Variants in ZBTB20 observed in about 807,000 individuals in gnomAD.
ZBTB20 encodes the protein zinc finger and BTB domain-containing protein 20.
A neutral mutation model predicts 56.9 loss-of-function variants in ZBTB20; 9 were observed. The ratio of observed to expected loss-of-function variants is 0.16; its 90% CI spans 0.10 to 0.28. The LOEUF is 0.28. ZBTB20 is among the 10% of genes least tolerant of loss of function. The pLI is 1.00. For synonymous variants in ZBTB20, 417 were observed against 420.7 expected, an observed-to-expected ratio of 0.99 and a Z score of 0.11; for missense variants, 655 against 1,003.0, an observed-to-expected ratio of 0.65 and a Z score of 4.69.
rs2067206166 is a variant in ZBTB20 at position 114,748,125 on chromosome 3, A to G, written c.-343+52976T>C. Reference sequence around the variant, plus strand: ...GTGAGAAAAGGAAATTGAACATTCAATGTGACCAGAGGAAGGGTGAACATG... The same window carrying G: ...GTGAGAAAAGGAAATTGAACATTCAGTGTGACCAGAGGAAGGGTGAACATG... On this transcript the variant is annotated intron_variant, in intron 5 of 11. Transcript: ENST00000675478. Among the ~76,000 whole-genome samples the G allele has an allele frequency of 2.0e-5, 3 of 152,254 alleles. No homozygotes were observed. The South Asian group carries it at 6.2e-4, about 32-fold the overall frequency.
chr3:115,115,370 T>G (rs2083989913), intron 1 of ZBTB20, among the ~76,000 whole-genome samples: 1 of 152,114 alleles, frequency 6.6e-6, no homozygotes, highest in African/African-American at 2.4e-5. Flanking sequence ...TGTAGGGCAG[T>G]ATTTTGCTGT....
intron 4 of ZBTB20, among the ~76,000 whole-genome samples, chr3:114,830,064 T>G (rs1157060636): frequency 2.0e-5 from 3 of 151,924 alleles, no homozygotes; most frequent in Non-Finnish European, 4.4e-5. Context: ...GTACAATTAA[T>G]GTTCTCACTG....
chr3:114,362,790 G>T (rs571980315), intron 10 of ZBTB20, among the ~76,000 whole-genome samples: 2 of 152,292 alleles, frequency 1.3e-5, no homozygotes, highest in South Asian at 2.1e-4. Context: ...AAAATAAGAA[G>T]AGATGACCAA....
At chr3:114,814,754 A>G (rs2072798206) in intron 4 of ZBTB20, among the ~76,000 whole-genome samples, 3 of 152,246 alleles carry the variant, frequency 2.0e-5, no homozygotes, top group Admixed American at 1.3e-4. Context: ...CATATAACAT[A>G]GAGCAGACAC....
intron 7 of ZBTB20, among the ~76,000 whole-genome samples, chr3:114,453,309 G>A (rs904106772): frequency 6.6e-6 from 1 of 152,066 alleles, no homozygotes; most frequent in Admixed American, 6.5e-5. Context: ...TCTCTCTGGG[G>A]GTTTTGTCAT....
At chr3:114,442,836 A>G (rs889744750) in intron 7 of ZBTB20, among the ~76,000 whole-genome samples, 7 of 152,178 alleles carry the variant, frequency 4.6e-5, no homozygotes, top group African/African-American at 1.7e-4. Flanking sequence ...TTAATGTTAT[A>G]TCTCTACCCT....
intron 2 of ZBTB20, among the ~76,000 whole-genome samples, chr3:115,065,774 T>C (rs2082185701): frequency 6.6e-6 from 1 of 152,124 alleles, no homozygotes; most frequent in African/African-American, 2.4e-5. Context: ...GGTTAAGTGG[T>C]TTGTGCAAGG....
At chr3:114,991,052 A>C (rs1366317652) in intron 2 of ZBTB20, among the ~76,000 whole-genome samples, 1 of 152,076 alleles carries the variant, frequency 6.6e-6, no homozygotes, top group African/African-American at 2.4e-5. Context: ...TTTTCAAAAA[A>C]CCAGCTCCTG....
chr3:114,636,914 C>T lies in ZBTB20; in HGVS notation c.-295+56614G>A, dbSNP rs540093903. 3.1e-4 allele frequency among the ~76,000 whole-genome samples: 11 copies of T among 35,542 alleles called. No homozygotes were observed. In the East Asian group the frequency reaches 8.5e-3, roughly 28 times the overall value. 23.3% of individuals were successfully genotyped at this position (35,542 alleles called of 152,430 possible). A position where few individuals can be genotyped will look rare whatever the true frequency, so the allele number is the denominator to read the frequency against. ...TATCCATATGCTGTTAAAACAGCAA[C>T]AACAACAACAACAAAAAACAACAAC... On this transcript the variant is annotated intron_variant, in intron 6 of 11. Coordinates refer to ENST00000675478, the MANE Select transcript of ZBTB20 (RefSeq NM_001348800.3).
chr3:114,728,998 G>C (rs1360941674), intron 5 of ZBTB20, among the ~76,000 whole-genome samples: 1 of 152,180 alleles, frequency 6.6e-6, no homozygotes, highest in South Asian at 2.1e-4. Flanking sequence ...GTTGATAGGT[G>C]CAGCAAACCA....
At chr3:114,927,993 A>C (rs1474584604) in intron 3 of ZBTB20, among the ~76,000 whole-genome samples, 5 of 152,214 alleles carry the variant, frequency 3.3e-5, no homozygotes, top group Non-Finnish European at 7.3e-5. Flanking sequence ...AAACACCCTC[A>C]ATTAACTCTC....
At chr3:115,111,463 T>A (rs2083881465) in intron 1 of ZBTB20, among the ~76,000 whole-genome samples, 1 of 152,192 alleles carries the variant, frequency 6.6e-6, no homozygotes, top group Non-Finnish European at 1.5e-5. Flanking sequence ...TAAGCTAATA[T>A]CTTAATAAAA....
chr3:114,651,839 C>G (rs1477597875), intron 6 of ZBTB20, among the ~76,000 whole-genome samples: 5 of 152,040 alleles, frequency 3.3e-5, no homozygotes, highest in African/African-American at 1.2e-4. Context: ...CTTGAACATT[C>G]TCCAGATTTC....
intron 5 of ZBTB20, among the ~76,000 whole-genome samples, chr3:114,791,469 C>T (rs1036332125): frequency 2.0e-5 from 3 of 152,132 alleles, no homozygotes; most frequent in Non-Finnish European, 4.4e-5. Context: ...AGGCCCCTCA[C>T]ACTTTCCAGT....
chr3:114,912,382 G>T (rs563264685), intron 3 of ZBTB20, among the ~76,000 whole-genome samples: 2 of 151,460 alleles, frequency 1.3e-5, no homozygotes, highest in South Asian at 4.2e-4. Context: ...CTCTAATACT[G>T]AAATGGTAAT....
intron 6 of ZBTB20, among the ~76,000 whole-genome samples, chr3:114,606,389 A>G (rs2107659524): frequency 6.6e-6 from 1 of 152,292 alleles, no homozygotes; most frequent in East Asian, 1.9e-4. Context: ...GGGCAGGAGG[A>G]AGCAGTTGGG....
intron 7 of ZBTB20, among the ~76,000 whole-genome samples, chr3:114,449,492 T>C (rs2109016872): frequency 6.6e-6 from 1 of 152,156 alleles, no homozygotes; most frequent in South Asian, 2.1e-4. Context: ...GTTAAAGCAT[T>C]CTGAAAAACG....
rs371001103 is a variant in ZBTB20 at position 114,602,621 on chromosome 3, C to T, written c.-295+90907G>A. On this transcript the variant is annotated intron_variant, in intron 6 of 11. Coordinates refer to ENST00000675478, the MANE Select transcript of ZBTB20 (RefSeq NM_001348800.3). ...TGAAAACAAGGATTATTTGAATGTGCCTGTTTTGCTCACTGTTGTATCTCC... is the reference window on the plus strand; with the variant it reads ...TGAAAACAAGGATTATTTGAATGTGTCTGTTTTGCTCACTGTTGTATCTCC... Among the ~76,000 whole-genome samples the T allele has an allele frequency of 7.9e-5, 12 of 151,994 alleles. No homozygotes were observed. The East Asian group carries it at 1.9e-3, about 25-fold the overall frequency.
rs1560058733 is a variant in ZBTB20, at chr3:114,323,496, T to C, written c.*15509A>G. ...ATCAGGCTGAAAAGTAATTCCAATA[T>C]GGACAAGGCTATGTGTTTTTGAAAG... On this transcript the variant is annotated 3_prime_UTR_variant, in exon 12 of 12. Transcript: ENST00000675478. 6.6e-6 allele frequency: 1 copy of C among 152,210 alleles called. No homozygotes were observed. The highest frequency in any genetic ancestry group is 1.5e-5 in the Non-Finnish European group (1 of 68,050). 9.4% of individuals were successfully genotyped at this position (152,210 alleles called of 1,614,324 possible). A position where few individuals can be genotyped will look rare whatever the true frequency, so the allele number is the denominator to read the frequency against.
Sources: gnomAD v4.1 joint callset for allele counts (sites outside exome capture counted in the v4.1 genomes callset) on GRCh38, gnomAD v4.1.1 for gene constraint, MANE v1.5 for transcripts, NCBI Gene and HGNC (gene_info 2026-07-23, HGNC 2026-07-21) for gene names.